Variants in L2HGDH observed in about 807,000 individuals in gnomAD.
L2HGDH encodes the protein L-2-hydroxyglutarate dehydrogenase, mitochondrial.
Under a neutral mutation model 51.5 loss-of-function variants are expected in L2HGDH, and 34 were observed. The observed-to-expected ratio is 0.66, with a 90% CI of 0.50 to 0.88. L2HGDH has a LOEUF of 0.88. L2HGDH is among the 40% of genes least tolerant of loss of function. The pLI, the probability that L2HGDH is intolerant of heterozygous loss-of-function variation, is 0.00. For synonymous variants in L2HGDH, 198 were observed against 197.9 expected, an observed-to-expected ratio of 1.00 and a Z score of -0.01; for missense variants, 558 against 571.9, an observed-to-expected ratio of 0.98 and a Z score of 0.25.
rs1050029908 is a variant in L2HGDH at position 50,245,871 on chromosome 14, C to T, written c.*1187G>A. ...GCATGATGGCTCGCACCTGTAATCC[C>T]AGCATTTTGGGAGGCTGAGGCAGGT... On this transcript the variant is annotated 3_prime_UTR_variant, in exon 10 of 10. Transcript: ENST00000267436. 2.8e-5 allele frequency: 27 copies of T among 963,502 alleles called. No individual in the cohort carries two copies. The highest frequency in any genetic ancestry group is 3.1e-5 in the Non-Finnish European group (25 of 810,034). The allele number at this position is 963,502 out of a possible 1,614,324, so 59.7% of individuals were successfully genotyped here. A position where few individuals can be genotyped will look rare whatever the true frequency, so the allele number is the denominator to read the frequency against.
rs1249951162 is a variant in L2HGDH at position 50,244,141 on chromosome 14, A to C, written c.*2917T>G. ...TATTGTGAATAGTGCCACAATAAACATACGTGTGCATGTGTCTTTATAGCA... is the reference window on the plus strand; with the variant it reads ...TATTGTGAATAGTGCCACAATAAACCTACGTGTGCATGTGTCTTTATAGCA... On this transcript the variant is annotated 3_prime_UTR_variant, in exon 10 of 10. Transcript: ENST00000267436. The C allele has an allele frequency of 6.5e-6, 1 of 152,684 alleles. No homozygotes were observed. Among genetic ancestry groups the C allele is most frequent in the East Asian group, 1.9e-4 (1 of 5,204 alleles). The allele number at this position is 152,684 out of a possible 1,614,324, so 9.5% of individuals were successfully genotyped here.
chr14:50,248,558 C>G (rs1424396219), intron 9 of L2HGDH, among the ~76,000 whole-genome samples: 3 of 152,138 alleles, frequency 2.0e-5, no homozygotes, highest in African/African-American at 7.2e-5. Flanking sequence ...AGTAACTTGC[C>G]TGAAATCACA....
chr14:50,276,087 G>T (rs923588504), intron 6 of L2HGDH, among the ~76,000 whole-genome samples: 5 of 152,206 alleles, frequency 3.3e-5, no homozygotes, highest in African/African-American at 1.2e-4. Context: ...GCTTGGGGAT[G>T]ATAAAGAGGA....
intron 9 of L2HGDH, among the ~76,000 whole-genome samples, chr14:50,263,515 T>A (rs973012685): frequency 1.3e-5 from 2 of 152,164 alleles, no homozygotes; most frequent in African/African-American, 2.4e-5. Context: ...AGATACACAG[T>A]CAAGCCTGCT....
At position 50,261,725 on chromosome 14, in the gene L2HGDH, C is replaced by T. The variant is rs191827153; in HGVS notation, c.1196+3633G>A. The stretch of plus-strand genomic sequence containing the variant: ...TCTCAAACTCCTGGGCTCAAGCGAT[C>T]CTCCCACCTCAGCCTCCCAAAGCAC... On this transcript the variant is annotated intron_variant, in intron 9 of 9. Transcript: ENST00000267436. Among the ~76,000 whole-genome samples the T allele has an allele frequency of 9.9e-5, 15 of 152,216 alleles. No individual in the cohort carries two copies. The East Asian group carries it at 2.3e-3, about 24-fold the overall frequency.
At chr14:50,253,442 A>G (rs568862509) in intron 9 of L2HGDH, among the ~76,000 whole-genome samples, 4 of 152,330 alleles carry the variant, frequency 2.6e-5, no homozygotes, top group African/African-American at 9.6e-5. Flanking sequence ...GGTGCTCAAC[A>G]TCACTGATCA....
At position 50,244,809 on chromosome 14, in the gene L2HGDH, T is replaced by A. The variant is rs2139916812; in HGVS notation, c.*2249A>T. On this transcript the variant is annotated 3_prime_UTR_variant, in exon 10 of 10. Transcript: ENST00000267436. Reference sequence around the variant, plus strand: ...TCCTATCAACCAAAATGCACATCCTTCTCACCCATCCATCATACAGCTTTG... The same window carrying A: ...TCCTATCAACCAAAATGCACATCCTACTCACCCATCCATCATACAGCTTTG... 1.0e-6 allele frequency: 1 copy of A among 985,372 alleles called. No homozygotes were observed. The highest frequency in any genetic ancestry group is 1.1e-4 in the East Asian group (1 of 8,820). The allele number at this position is 985,372 out of a possible 1,614,324, so 61.0% of individuals were successfully genotyped here.
At chr14:50,297,736 A>C (rs1321529893) in intron 3 of L2HGDH, among the ~76,000 whole-genome samples, 1 of 152,162 alleles carries the variant, frequency 6.6e-6, no homozygotes, top group African/African-American at 2.4e-5. Context: ...ACCACAATGG[A>C]ATGAAACTAG....
chr14:50,263,460 C>T (rs977205591), intron 9 of L2HGDH, among the ~76,000 whole-genome samples: 7 of 152,174 alleles, frequency 4.6e-5, no homozygotes, highest in African/African-American at 1.4e-4. Flanking sequence ...TAAACGAGGA[C>T]GCTCCCCTAA....
At chr14:50,284,111 C>T (rs1030379898) in intron 4 of L2HGDH, 78 bp from the exon 5 acceptor site, 1 of 1,428,734 alleles carries the variant, frequency 7.0e-7, no homozygotes, top group African/African-American at 1.4e-5. Context: ...AATCAAGAAA[C>T]AATTTTGTCC....
Position 50,243,429 on chromosome 14 carries a change from T to C in L2HGDH, c.*3629A>G. The C allele has an allele frequency of 1.0e-6, 1 of 955,338 alleles. No homozygotes were observed. Among genetic ancestry groups the C allele is most frequent in the Non-Finnish European group, 1.2e-6 (1 of 802,748 alleles). 59.2% of individuals were successfully genotyped at this position (955,338 alleles called of 1,614,324 possible). On this transcript the variant is annotated 3_prime_UTR_variant, in exon 10 of 10. Coordinates refer to ENST00000267436, the MANE Select transcript of L2HGDH (RefSeq NM_024884.3). ...TATGTTTTACACATAAAAAAATTTA[T>C]TTGCATAAAAGTTTTTATGGAACTA...
chr14:50,251,076 C>G (rs887513348), intron 9 of L2HGDH, among the ~76,000 whole-genome samples: 3 of 152,124 alleles, frequency 2.0e-5, no homozygotes, highest in Admixed American at 6.6e-5. Context: ...ACCTTTCTGA[C>G]AGAGAATTCA....
In L2HGDH at chr14:50,243,632, C is replaced by T. The variant is rs1244899965; in HGVS notation, c.*3426G>A. The T allele has an allele frequency of 5.9e-6, 4 of 680,354 alleles. No homozygotes were observed. Among genetic ancestry groups the T allele is most frequent in the Middle Eastern group, 7.5e-4 (1 of 1,338 alleles). 42.1% of individuals were successfully genotyped at this position (680,354 alleles called of 1,614,324 possible). On this transcript the variant is annotated 3_prime_UTR_variant, in exon 10 of 10. Transcript: ENST00000267436. ...ACCTACATATTCAAAACACTTTCAA[C>T]AAATTTTTCATTTTTATTTTTCAGG...
intron 9 of L2HGDH, among the ~76,000 whole-genome samples, chr14:50,257,100 TG>T (rs1440149390): frequency 1.3e-5 from 2 of 152,116 alleles, no homozygotes; most frequent in Non-Finnish European, 2.9e-5. Context: ...AGCTAGTTTT[TG>T]TATTTTTAGT....
At chr14:50,250,772 G>T (rs1278771288) in intron 9 of L2HGDH, among the ~76,000 whole-genome samples, 4 of 152,224 alleles carry the variant, frequency 2.6e-5, no homozygotes, top group African/African-American at 9.6e-5. Context: ...TGGTGATCCA[G>T]AGAATTCTTC....
At chr14:50,296,664 A>T (rs1426794953) in intron 3 of L2HGDH, among the ~76,000 whole-genome samples, 1 of 151,692 alleles carries the variant, frequency 6.6e-6, no homozygotes, top group Non-Finnish European at 1.5e-5. Flanking sequence ...AAAAAAAAGT[A>T]ATACTAATTC....
intron 6 of L2HGDH, among the ~76,000 whole-genome samples, chr14:50,270,551 G>C (rs919585866): frequency 1.3e-5 from 2 of 152,070 alleles, no homozygotes; most frequent in African/African-American, 4.8e-5. Context: ...TGTTGCCCAG[G>C]CTGGAGTGCA....
chr14:50,312,208 C>T lies in L2HGDH; in HGVS notation c.-58G>A. 6.3e-7 allele frequency: 1 copy of T among 1,593,438 alleles called. No individual in the cohort carries two copies. Among genetic ancestry groups the T allele is most frequent in the Non-Finnish European group, 8.5e-7 (1 of 1,173,782 alleles). ...GAAGAAGCCACTTGACCCTCCACGG[C>T]CGAGGACCCGCGCTCTTTAGCCCCG... On this transcript the variant is annotated 5_prime_UTR_variant, in exon 1 of 10. Transcript: ENST00000267436.
chr14:50,312,064 G>C lies in L2HGDH; in HGVS notation c.87C>G (p.Phe29Leu), dbSNP rs1431266022. The C allele has an allele frequency of 1.3e-6, 2 of 1,597,620 alleles. No homozygotes were observed. Among genetic ancestry groups the C allele is most frequent in the South Asian group, 2.2e-5 (2 of 89,096 alleles). The change falls in exon 1 of 10, where the codon TTC (phenylalanine) becomes TTG (leucine). Residue 29 changes from phenylalanine to leucine, a missense_variant. Coordinates refer to ENST00000267436, the MANE Select transcript of L2HGDH (RefSeq NM_024884.3). ...ACAGCGGTCTTGGCCTCCCAGACGC[G>C]AACCCGCACGCCCCAGGGGAGCCAC... ...FAGGSPGACG[F>L]ASGRPRPLCG...
Sources: gnomAD v4.1 joint callset for allele counts (sites outside exome capture counted in the v4.1 genomes callset) on GRCh38, gnomAD v4.1.1 for gene constraint, MANE v1.5 for transcripts, NCBI Gene and HGNC (gene_info 2026-07-23, HGNC 2026-07-21) for gene names.